Variants in CNTN5 observed in about 807,000 individuals in gnomAD.
CNTN5 encodes contactin 5.
Under a neutral mutation model 129.1 loss-of-function variants are expected in CNTN5, and 77 were observed. The observed-to-expected ratio is 0.60, with a 90% CI of 0.50 to 0.72. CNTN5 has a LOEUF of 0.72. Ranked by LOEUF, CNTN5 falls within the 30% of genes least tolerant of loss-of-function variation. The pLI is 0.00. For missense variants in CNTN5, 1,478 were observed against 1,328.8 expected (o/e 1.11, Z -1.75); for synonymous variants, 509 against 465.6 (o/e 1.09, Z -1.20).
chr11:99,426,653 A>G (rs1473950658), intron 2 of CNTN5, among the ~76,000 whole-genome samples: 1 of 152,166 alleles, frequency 6.6e-6, no homozygotes, highest in Non-Finnish European at 1.5e-5. Flanking sequence ...TTATCGAAAA[A>G]TACTGAACTA....
chr11:99,970,529 T>C (rs766629114), intron 8 of CNTN5, among the ~76,000 whole-genome samples: 12 of 152,222 alleles, frequency 7.9e-5, no homozygotes, highest in Non-Finnish European at 1.5e-4. Context: ...ACTTATCTGA[T>C]AGGGTTCCTG....
intron 2 of CNTN5, among the ~76,000 whole-genome samples, chr11:99,519,263 T>A (rs1947179553): frequency 6.6e-6 from 1 of 152,114 alleles, no homozygotes; most frequent in African/African-American, 2.4e-5. Context: ...AACTTCTTTA[T>A]AGAAGCCCTC....
At chr11:100,095,129 AAG>A (rs2138024806) in intron 13 of CNTN5, among the ~76,000 whole-genome samples, 1 of 152,226 alleles carries the variant, frequency 6.6e-6, no homozygotes, top group Admixed American at 6.5e-5. Flanking sequence ...AATAAGCCAA[AAG>A]AGGGTGAAAT....
intron 13 of CNTN5, among the ~76,000 whole-genome samples, chr11:100,090,535 C>CTTCCTTCCTTCCTTCCTTCT (rs1944736457): frequency 2.4e-5 from 2 of 83,058 alleles, no homozygotes; most frequent in African/African-American, 1.2e-4. Context: ...CCCTTCCTTC[C>CTTCCTTCCTTCCTTCCTTCT]TTCCTTCCTT....
chr11:99,023,045 C>T (rs1309755338), intron 1 of CNTN5, among the ~76,000 whole-genome samples: 3 of 152,132 alleles, frequency 2.0e-5, no homozygotes, highest in Non-Finnish European at 4.4e-5. Flanking sequence ...CACCAAGGTG[C>T]TTTTGGAAAT....
intron 8 of CNTN5, among the ~76,000 whole-genome samples, chr11:99,997,625 A>G (rs1354732273): frequency 6.6e-6 from 1 of 152,174 alleles, no homozygotes; most frequent in Non-Finnish European, 1.5e-5. Context: ...AATCAATAGA[A>G]AAAGAGGGAA....
rs573010293 is a variant in CNTN5 at position 100,330,460 on chromosome 11, A to G, written c.2731-10003A>G. Reference sequence around the variant, plus strand: ...CATTCCTAGAACTCTAGACATCCAAATATAAGAAACTCAAAGAACACCTGG... The same window carrying G: ...CATTCCTAGAACTCTAGACATCCAAGTATAAGAAACTCAAAGAACACCTGG... On this transcript the variant is annotated intron_variant, in intron 21 of 24. Coordinates refer to ENST00000524871, the MANE Select transcript of CNTN5 (RefSeq NM_014361.4). Among the ~76,000 whole-genome samples, 5 of 151,842 alleles carry G rather than the reference A, an allele frequency of 3.3e-5. No individual in the cohort carries two copies. In the South Asian group the frequency reaches 1.0e-3, roughly 31 times the overall value.
At chr11:99,291,773 G>T (rs1864181110) in intron 1 of CNTN5, among the ~76,000 whole-genome samples, 3 of 151,964 alleles carry the variant, frequency 2.0e-5, no homozygotes, top group Non-Finnish European at 4.4e-5. Context: ...GCTAAGAAAT[G>T]CATGTTGACT....
intron 2 of CNTN5, among the ~76,000 whole-genome samples, chr11:99,526,962 G>T (rs1947510835): frequency 1.1e-5 from 1 of 90,442 alleles, no homozygotes; most frequent in Non-Finnish European, 3.0e-5. Context: ...GAACAAACAG[G>T]TTGTGCATTT....
chr11:99,712,813 T>A (rs982847385), intron 3 of CNTN5, among the ~76,000 whole-genome samples: 4 of 151,912 alleles, frequency 2.6e-5, no homozygotes, highest in African/African-American at 9.7e-5. Flanking sequence ...ATTTCTGAGG[T>A]CTCTGTTCTG....
Position 99,632,730 on chromosome 11 carries a change from G to A in CNTN5, c.55+76461G>A, listed in dbSNP as rs184221425. ...TGGTATAGATCCAGTAATTTTTAAT[G>A]TTCCCATTATGTATAGAGAAAAGTC... is the stretch of plus-strand genomic sequence containing the variant. On this transcript the variant is annotated intron_variant, in intron 3 of 24. Transcript: ENST00000524871. Among the ~76,000 whole-genome samples the A allele has an allele frequency of 2.0e-5, 3 of 152,254 alleles. No individual in the cohort carries two copies. In the East Asian group the frequency reaches 5.8e-4, roughly 29 times the overall value.
intron 9 of CNTN5, among the ~76,000 whole-genome samples, chr11:100,009,374 C>G (rs1565784349): frequency 6.6e-6 from 1 of 151,696 alleles, no homozygotes; most frequent in Non-Finnish European, 1.5e-5. Flanking sequence ...GGTATTTCCC[C>G]AGAAAAATGG....
At chr11:99,036,164 G>C (rs1490635682) in intron 1 of CNTN5, among the ~76,000 whole-genome samples, 1 of 151,996 alleles carries the variant, frequency 6.6e-6, no homozygotes, top group Non-Finnish European at 1.5e-5. Flanking sequence ...GTATCGAAAT[G>C]CCAGCTATTC....
intron 13 of CNTN5, among the ~76,000 whole-genome samples, chr11:100,082,551 C>A (rs1304505611): frequency 6.6e-6 from 1 of 152,086 alleles, no homozygotes; most frequent in Non-Finnish European, 1.5e-5. Context: ...CTTGACCTCC[C>A]AAATTGCTAA....
At chr11:99,819,463 C>A in intron 3 of CNTN5, 81 bp from the exon 4 acceptor site, 1 of 1,268,538 alleles carries the variant, frequency 7.9e-7, no homozygotes, top group Non-Finnish European at 1.1e-6. Context: ...TTAGTAATGT[C>A]TTCAAAGAAA....
At chr11:99,196,755 G>T (rs554660389) in intron 1 of CNTN5, among the ~76,000 whole-genome samples, 1 of 151,520 alleles carries the variant, frequency 6.6e-6, no homozygotes, top group Non-Finnish European at 1.5e-5. Context: ...GATGCAAGTT[G>T]TCTCCCAACA....
chr11:99,945,761 T>C (rs17134739), intron 7 of CNTN5, among the ~76,000 whole-genome samples: 61,209 of 151,608 alleles, frequency 0.4, 12,788 homozygotes, highest in African/African-American at 0.49. Context: ...CATCTTTTTC[T>C]ATGGTGCCAC....
chr11:99,859,263 C>G (rs1012580145), intron 6 of CNTN5, among the ~76,000 whole-genome samples: 1 of 152,186 alleles, frequency 6.6e-6, no homozygotes, highest in Non-Finnish European at 1.5e-5. Context: ...TATGGTCACA[C>G]GGCTCAGATT....
chr11:99,930,796 A>AACACACACAC (rs59103010), intron 7 of CNTN5, among the ~76,000 whole-genome samples: 8,740 of 149,470 alleles, frequency 0.058, 285 homozygotes, highest in Non-Finnish European at 0.067. Context: ...CATACACACA[A>AACACACACAC]ACACACACAC....
Sources: gnomAD v4.1 joint callset for allele counts (sites outside exome capture counted in the v4.1 genomes callset) on GRCh38, gnomAD v4.1.1 for gene constraint, MANE v1.5 for transcripts, NCBI Gene and HGNC (gene_info 2026-07-23, HGNC 2026-07-21) for gene names.